Variants in PRKN observed in about 807,000 individuals in gnomAD.
The protein encoded by PRKN is parkin RBR E3 ubiquitin protein ligase.
PRKN carries 56 observed loss-of-function variants against 59.5 expected under a neutral mutation model. The observed-to-expected ratio is 0.94, with a 90% confidence interval of 0.76 to 1.18. The LOEUF is 1.18. PRKN is among the 50% of genes most tolerant of loss of function. The probability of loss-of-function intolerance (pLI) is 0.00; values close to 1 mark genes in which losing one functional copy is unlikely to be tolerated. For synonymous variants in PRKN, 250 were observed against 222.1 expected, an observed-to-expected ratio of 1.13 and a Z score of -1.12; for missense variants, 657 against 596.4, an observed-to-expected ratio of 1.10 and a Z score of -1.06.
chr6:162,226,427 C>T (rs575848383), intron 3 of PRKN, among the ~76,000 whole-genome samples: 1 of 152,166 alleles, frequency 6.6e-6, no homozygotes, highest in African/African-American at 2.4e-5. Flanking sequence ...AAGCATGAAA[C>T]CAGTCCTCAC....
rs537615428 is a variant in PRKN at position 161,495,477 on chromosome 6, T to C, written c.1083+53377A>G. The stretch of plus-strand genomic sequence containing the variant: ...GGCCTCTCCTGCACTCAGGGTCCCA[T>C]GTGACTGGATCTGGCACCTGAGATG... On this transcript the variant is annotated intron_variant, in intron 9 of 11. Transcript: ENST00000366898. 1.7e-3 allele frequency among the ~76,000 whole-genome samples: 262 copies of C among 152,356 alleles called. 3 individuals carry two copies. Among genetic ancestry groups the C allele is most frequent in the Admixed American group, 3.8e-3 (58 of 15,306 alleles).
intron 9 of PRKN, among the ~76,000 whole-genome samples, chr6:161,465,949 T>C (rs1326769079): frequency 1.3e-5 from 2 of 152,240 alleles, no homozygotes; most frequent in Non-Finnish European, 2.9e-5. Flanking sequence ...GTATAATTGA[T>C]AAATAATAAT....
chr6:161,832,960 C>T (rs1022496933), intron 6 of PRKN, among the ~76,000 whole-genome samples: 1 of 152,094 alleles, frequency 6.6e-6, no homozygotes, highest in Non-Finnish European at 1.5e-5. Context: ...GTCCCCCCAT[C>T]CCCGGCCGAT....
chr6:162,646,456 A>T (rs1226977211), intron 1 of PRKN, among the ~76,000 whole-genome samples: 1 of 151,594 alleles, frequency 6.6e-6, no homozygotes, highest in Non-Finnish European at 1.5e-5. Flanking sequence ...TATTATAAAA[A>T]TTTTTTTGTA....
At chr6:161,768,434 C>T (rs1789521644) in intron 7 of PRKN, among the ~76,000 whole-genome samples, 1 of 152,070 alleles carries the variant, frequency 6.6e-6, no homozygotes, top group Non-Finnish European at 1.5e-5. Flanking sequence ...CAGTGCTCTC[C>T]AAAATTTTGG....
At chr6:161,350,408 T>C (rs989447757) in intron 11 of PRKN, among the ~76,000 whole-genome samples, 197 bp from the exon 12 acceptor site, 5 of 151,666 alleles carry the variant, frequency 3.3e-5, no homozygotes, top group African/African-American at 1.2e-4. Context: ...ATGATATTCA[T>C]TAAGAAATGA....
intron 6 of PRKN, among the ~76,000 whole-genome samples, chr6:161,853,660 A>G (rs1218559877): frequency 6.6e-6 from 1 of 152,194 alleles, no homozygotes; most frequent in Admixed American, 6.5e-5. Context: ...AACTGAAATG[A>G]ATTCCTTTGG....
intron 1 of PRKN, among the ~76,000 whole-genome samples, chr6:162,445,612 A>G (rs1277345799): frequency 2.1e-5 from 3 of 140,788 alleles, no homozygotes; most frequent in African/African-American, 8.0e-5. Context: ...TGACTGTGTA[A>G]GCCCAGGAAT....
chr6:161,418,963 G>A (rs945361627), intron 9 of PRKN, among the ~76,000 whole-genome samples: 2 of 152,184 alleles, frequency 1.3e-5, no homozygotes, highest in African/African-American at 4.8e-5. Context: ...GTCTGGTGTT[G>A]CCTACACAGA....
intron 4 of PRKN, among the ~76,000 whole-genome samples, chr6:162,078,976 G>A (rs975270291): frequency 1.1e-4 from 17 of 152,136 alleles, no homozygotes; most frequent in Middle Eastern, 6.8e-3. Flanking sequence ...AAAGTCTTAC[G>A]TGACTCAAAT....
At chr6:162,420,294 T>C (rs1250068814) in intron 2 of PRKN, among the ~76,000 whole-genome samples, 2 of 152,160 alleles carry the variant, frequency 1.3e-5, no homozygotes, top group African/African-American at 2.4e-5. Context: ...TAAAGCATTA[T>C]GTTTAAAATA....
chr6:162,362,329 G>T (rs1407793539), intron 2 of PRKN, among the ~76,000 whole-genome samples: 3 of 152,016 alleles, frequency 2.0e-5, no homozygotes, highest in South Asian at 2.1e-4. Flanking sequence ...GTCAATTTTA[G>T]AATTTAGCTA....
At chr6:162,482,147 G>C (rs973836301) in intron 1 of PRKN, among the ~76,000 whole-genome samples, 1 of 152,102 alleles carries the variant, frequency 6.6e-6, no homozygotes, top group East Asian at 1.9e-4. Flanking sequence ...TATCTCCTGG[G>C]ATAATTAGGT....
intron 6 of PRKN, among the ~76,000 whole-genome samples, chr6:161,960,851 G>A (rs950674542): frequency 6.6e-6 from 1 of 152,160 alleles, no homozygotes; most frequent in Non-Finnish European, 1.5e-5. Flanking sequence ...TAGGAACAAA[G>A]GGAAGGAGAA....
At chr6:162,617,301 G>C (rs1014208008) in intron 1 of PRKN, among the ~76,000 whole-genome samples, 4 of 152,056 alleles carry the variant, frequency 2.6e-5, no homozygotes, top group Admixed American at 2.0e-4. Flanking sequence ...GTGTGATCTG[G>C]GCTCACTGCA....
chr6:162,313,265 C>T (rs1782604668), intron 2 of PRKN, among the ~76,000 whole-genome samples: 1 of 152,026 alleles, frequency 6.6e-6, no homozygotes, highest in Non-Finnish European at 1.5e-5. Flanking sequence ...CAATAACTCT[C>T]AATCTCCCCC....
intron 6 of PRKN, among the ~76,000 whole-genome samples, chr6:161,864,491 T>C (rs1369269182): frequency 1.3e-5 from 2 of 152,200 alleles, no homozygotes; most frequent in African/African-American, 4.8e-5. Context: ...CACTGAAGTC[T>C]TGAAGCTCTG....
At chr6:161,838,923 G>A (rs963950848) in intron 6 of PRKN, among the ~76,000 whole-genome samples, 1 of 152,120 alleles carries the variant, frequency 6.6e-6, no homozygotes, top group Non-Finnish European at 1.5e-5. Context: ...AGTCCCATTC[G>A]ACCCTGCAAG....
intron 1 of PRKN, among the ~76,000 whole-genome samples, chr6:162,680,750 C>T (rs535656360): frequency 7.5e-4 from 114 of 152,220 alleles, no homozygotes; most frequent in African/African-American, 2.7e-3. Context: ...AATAATCACT[C>T]CTTCTCATAA....
Sources: allele counts gnomAD v4.1 joint callset (sites outside exome capture counted in the v4.1 genomes callset), GRCh38; gene constraint gnomAD v4.1.1; transcripts MANE v1.5; gene names NCBI Gene and HGNC (gene_info 2026-07-23, HGNC 2026-07-21).